The following AP4E1 variants were observed in gnomAD, a reference collection of about 807,000 sequenced individuals.
AP4E1 encodes adaptor related protein complex 4 subunit epsilon 1, also known as AP-4 complex subunit epsilon-1.
In AP4E1, 56 loss-of-function variants were observed where a neutral mutation model predicts 128.2. That is an observed-to-expected ratio of 0.44 (90% CI 0.35 to 0.55). AP4E1 has a LOEUF of 0.55. Among genes scored for constraint, AP4E1 ranks in the 20% least tolerant of loss-of-function variants. AP4E1 has a pLI of 0.00. For missense variants in AP4E1, 1,324 were observed against 1,307.7 expected, an observed-to-expected ratio of 1.01 and a Z score of -0.19; for synonymous variants, 484 against 473.1, an observed-to-expected ratio of 1.02 and a Z score of -0.30.
chr15:50,954,354 C>T (rs2064188772), intron 13 of AP4E1, among the ~76,000 whole-genome samples: 1 of 152,090 alleles, frequency 6.6e-6, no homozygotes, highest in African/African-American at 2.4e-5. Context: ...TAGAATTTTC[C>T]AGTGAAACCA....
At chr15:50,987,561 C>T (rs2064746033) in intron 16 of AP4E1, among the ~76,000 whole-genome samples, 1 of 152,090 alleles carries the variant, frequency 6.6e-6, no homozygotes. Flanking sequence ...TCGTTATGTA[C>T]CCAGTAGTCA....
At position 50,941,662 on chromosome 15, in the gene AP4E1, C is replaced by G. The variant is rs1171964627; in HGVS notation, c.1067-4C>G. ...CACTTTGTATAATGTGTCTTTGTTT[C>G]TAGGACTGAAGGCTCTTACCTATGT... On this transcript the variant is annotated splice_region_variant and splice_polypyrimidine_tract_variant and intron_variant, in intron 9 of 20. Transcript: ENST00000261842. The G allele has an allele frequency of 6.2e-7, 1 of 1,612,934 alleles. No homozygotes were observed. Among genetic ancestry groups the G allele is most frequent in the South Asian group, 1.1e-5 (1 of 91,050 alleles).
chr15:50,954,173 A>G (rs2064186683), intron 13 of AP4E1, among the ~76,000 whole-genome samples: 1 of 152,182 alleles, frequency 6.6e-6, no homozygotes, highest in South Asian at 2.1e-4. Flanking sequence ...GACTTTGTTA[A>G]GAATTTTATC....
chr15:50,966,706 T>A (rs1338961536), intron 14 of AP4E1, among the ~76,000 whole-genome samples: 1 of 151,842 alleles, frequency 6.6e-6, no homozygotes, highest in East Asian at 1.9e-4. Context: ...CCTGGCCCAT[T>A]TTTGTATTTT....
intron 16 of AP4E1, 141 bp downstream of exon 16, chr15:50,984,286 T>C: frequency 9.7e-7 from 1 of 1,033,056 alleles, no homozygotes; most frequent in South Asian, 1.5e-5. Flanking sequence ...GTCTATTGTT[T>C]CAGTGGTTTT....
rs180697723 is a variant in AP4E1, at chr15:50,910,346, A to G, written c.150+1418A>G. Among the ~76,000 whole-genome samples, 6 of 152,330 alleles carry G rather than the reference A, an allele frequency of 3.9e-5. No individual in the cohort carries two copies. The East Asian group carries it at 1.2e-3, about 29-fold the overall frequency. ...ACCGATTCACAGCTACAAGGAGTTT[A>G]TATCTTAAAAAGAGCACGTGTTAAT... On this transcript the variant is annotated intron_variant, in intron 1 of 20. Coordinates refer to ENST00000261842, the MANE Select transcript of AP4E1 (RefSeq NM_007347.5).
intron 16 of AP4E1, among the ~76,000 whole-genome samples, chr15:50,991,031 A>G (rs1254673934): frequency 2.6e-5 from 4 of 152,206 alleles, no homozygotes; most frequent in Non-Finnish European, 5.9e-5. Context: ...TGGAGCTGGA[A>G]TGACCCTTCA....
chr15:50,911,254 A>G (rs992269147), intron 1 of AP4E1, among the ~76,000 whole-genome samples: 1 of 152,194 alleles, frequency 6.6e-6, no homozygotes, highest in South Asian at 2.1e-4. Context: ...AGGAGTGACC[A>G]CATTGGTATG....
chr15:50,910,838 T>G (rs561048666), intron 1 of AP4E1, among the ~76,000 whole-genome samples: 15 of 152,356 alleles, frequency 9.8e-5, no homozygotes, highest in Admixed American at 4.6e-4. Context: ...ATATTTTTAG[T>G]AGAGACAGGG....
At chr15:50,996,253 C>G (rs1431113374) in intron 17 of AP4E1, among the ~76,000 whole-genome samples, 1 of 151,250 alleles carries the variant, frequency 6.6e-6, no homozygotes, top group Non-Finnish European at 1.5e-5. Context: ...CTGCTTCAGC[C>G]TCCCAATGTG....
At chr15:50,952,774 G>T (rs906390541) in intron 13 of AP4E1, among the ~76,000 whole-genome samples, 28 of 151,756 alleles carry the variant, frequency 1.8e-4, no homozygotes, top group Non-Finnish European at 3.2e-4. Context: ...ACTATAGAAT[G>T]TCCTACATTC....
intron 1 of AP4E1, among the ~76,000 whole-genome samples, chr15:50,910,737 C>T (rs572102922): frequency 3.0e-4 from 46 of 152,344 alleles, no homozygotes; most frequent in African/African-American, 1.1e-3. Flanking sequence ...CTCACTGCAA[C>T]TTCTGCTTCC....
intron 6 of AP4E1, among the ~76,000 whole-genome samples, chr15:50,930,002 C>T (rs985061677): frequency 2.1e-4 from 31 of 151,096 alleles, no homozygotes; most frequent in African/African-American, 7.3e-4. Context: ...CACACTCCTT[C>T]AGAAACAAAT....
chr15:50,950,926 C>T (rs990566151), intron 13 of AP4E1, among the ~76,000 whole-genome samples: 4 of 152,162 alleles, frequency 2.6e-5, no homozygotes, highest in Non-Finnish European at 5.9e-5. Context: ...CAGCTTCATC[C>T]ATGTCTCTGC....
At chr15:50,922,935 G>T (rs537928987) in intron 3 of AP4E1, among the ~76,000 whole-genome samples, 3 of 152,134 alleles carry the variant, frequency 2.0e-5, no homozygotes, top group Non-Finnish European at 4.4e-5. Context: ...CCGCCACCAC[G>T]CCTGGCTAAT....
At chr15:50,953,208 C>G (rs2140869498) in intron 13 of AP4E1, among the ~76,000 whole-genome samples, 1 of 152,170 alleles carries the variant, frequency 6.6e-6, no homozygotes, top group Non-Finnish European at 1.5e-5. Context: ...GTTGATTATC[C>G]TTCCTGAATT....
At chr15:50,999,870 A>G (rs903284318) in intron 19 of AP4E1, among the ~76,000 whole-genome samples, 1 of 95,206 alleles carries the variant, frequency 1.1e-5, no homozygotes, top group African/African-American at 4.1e-5. Flanking sequence ...ACCCCACAAC[A>G]GTCCCCAGAG....
chr15:50,949,686 A>G (rs758014725), intron 11 of AP4E1, 140 bp from the exon 12 acceptor site: 1 of 699,396 alleles, frequency 1.4e-6, no homozygotes, highest in Non-Finnish European at 2.6e-6. Flanking sequence ...AAACTGGGGT[A>G]CAGAACAATT....
chr15:50,986,464 T>G (rs1016111240), intron 16 of AP4E1, among the ~76,000 whole-genome samples: 1 of 152,222 alleles, frequency 6.6e-6, no homozygotes, highest in African/African-American at 2.4e-5. Context: ...TAGCTCTTAT[T>G]ATTTTGAGAT....
Sources: allele counts gnomAD v4.1 joint callset (sites outside exome capture counted in the v4.1 genomes callset), GRCh38; gene constraint gnomAD v4.1.1; transcripts MANE v1.5; gene names NCBI Gene and HGNC (gene_info 2026-07-23, HGNC 2026-07-21).